Variants in WDR62 observed in about 807,000 individuals in gnomAD.
WDR62 encodes WD repeat-containing protein 62.
WDR62 carries 112 observed loss-of-function variants against 160.6 expected under a neutral mutation model. The ratio of observed to expected loss-of-function variants is 0.70; its 90% CI spans 0.60 to 0.82. WDR62 has a LOEUF of 0.82. WDR62 is among the 40% of genes least tolerant of loss of function. The pLI, the probability that WDR62 is intolerant of heterozygous loss-of-function variation, is 0.00. For missense variants in WDR62, 1,819 were observed against 1,983.8 expected (o/e 0.92, Z 1.58); for synonymous variants, 792 against 815.1 (o/e 0.97, Z 0.48).
rs200249382 is a variant in WDR62 at position 36,101,972 on chromosome 19, A to G, written c.3083-42A>G. On this transcript the variant is annotated intron_variant, in intron 25 of 31. Coordinates refer to ENST00000401500, the MANE Select transcript of WDR62 (RefSeq NM_001083961.2). ...TTTCAGGTGGCGTCTGCTGTGACTC[A>G]TGGTGTTGGCTCCTCTTGTCCCTCC... 3.1e-6 allele frequency: 5 copies of G among 1,613,562 alleles called. 1 individual carries two copies. Among genetic ancestry groups the G allele is most frequent in the South Asian group, 2.2e-5 (2 of 91,080 alleles).
intron 1 of WDR62, among the ~76,000 whole-genome samples, chr19:36,057,494 G>C (rs1970429223): frequency 6.7e-6 from 1 of 149,550 alleles, no homozygotes; most frequent in Admixed American, 6.7e-5. Flanking sequence ...ACCCCTCTTG[G>C]CCTCTGTTTC....
intron 7 of WDR62, among the ~76,000 whole-genome samples, chr19:36,069,102 A>G (rs1168495833): frequency 2.3e-4 from 30 of 132,934 alleles, no homozygotes; most frequent in African/African-American, 6.3e-4. Context: ...TCCCGGACGG[A>G]GCGGCTGGCC....
intron 1 of WDR62, among the ~76,000 whole-genome samples, chr19:36,055,885 C>G (rs1228902999): frequency 1.3e-5 from 2 of 152,184 alleles, no homozygotes; most frequent in Non-Finnish European, 2.9e-5. Flanking sequence ...AACCATACTA[C>G]TGGTAGGGCG....
chr19:36,090,990 G>C (rs995986323), intron 16 of WDR62, among the ~76,000 whole-genome samples: 2 of 152,274 alleles, frequency 1.3e-5, no homozygotes, highest in Non-Finnish European at 2.9e-5. Flanking sequence ...AGTTCAGTTT[G>C]CACATGTTCA....
intron 22 of WDR62, among the ~76,000 whole-genome samples, chr19:36,100,533 G>A (rs745612612): frequency 3.9e-5 from 6 of 152,208 alleles, no homozygotes; most frequent in Non-Finnish European, 8.8e-5. Context: ...CACGTAGAGG[G>A]TTGGGCCTCC....
At chr19:36,068,337 G>C (rs1260638562) in intron 7 of WDR62, among the ~76,000 whole-genome samples, 1 of 152,148 alleles carries the variant, frequency 6.6e-6, no homozygotes, top group Non-Finnish European at 1.5e-5. Flanking sequence ...ACTCTGGCTG[G>C]TAGAGGATTG....
chr19:36,088,576 C>T (rs1378147149), intron 13 of WDR62, among the ~76,000 whole-genome samples: 1 of 152,224 alleles, frequency 6.6e-6, no homozygotes. Flanking sequence ...CCTCTGTGTT[C>T]ATGCTTGTCC....
At chr19:36,082,280 G>A (rs1971943679) in intron 10 of WDR62, among the ~76,000 whole-genome samples, 1 of 152,226 alleles carries the variant, frequency 6.6e-6, no homozygotes, top group Admixed American at 6.5e-5. Flanking sequence ...GTGCTAGTAG[G>A]ACATAGAGCA....
At chr19:36,105,219 G>A, downstream of WDR62, 1 of 713,900 alleles carries the variant, frequency 1.4e-6, no homozygotes, top group Non-Finnish European at 2.3e-6. Context: ...TGGAGAGCAT[G>A]GGACCAGCGC....
At chr19:36,092,037 G>A (rs1344171023) in intron 18 of WDR62, among the ~76,000 whole-genome samples, 3 of 151,268 alleles carry the variant, frequency 2.0e-5, no homozygotes, top group Admixed American at 6.6e-5. Context: ...GAGGCCGGGC[G>A]CAGTGGCTCA....
intron 11 of WDR62, among the ~76,000 whole-genome samples, 192 bp from the exon 12 acceptor site, chr19:36,084,461 T>C (rs1404548308): frequency 6.6e-6 from 1 of 152,100 alleles, no homozygotes; most frequent in Non-Finnish European, 1.5e-5. Flanking sequence ...GCTGAGGTGC[T>C]CCCTGGTTCA....
intron 7 of WDR62, 76 bp from the exon 8 acceptor site, chr19:36,071,480 G>A (rs1971294731): frequency 6.3e-7 from 1 of 1,575,340 alleles, no homozygotes; most frequent in South Asian, 1.1e-5. Context: ...GCCTAAGGCT[G>A]CTCTGTCAGT....
intron 7 of WDR62, among the ~76,000 whole-genome samples, chr19:36,070,058 G>T (rs1309519071): frequency 1.3e-5 from 2 of 151,660 alleles, no homozygotes; most frequent in South Asian, 4.2e-4. Flanking sequence ...GGGAGAGGAG[G>T]ATTGCATTTT....
At chr19:36,060,118 G>A (rs1003170287) in intron 3 of WDR62, 88 bp downstream of exon 3, 3 of 1,338,636 alleles carry the variant, frequency 2.2e-6, no homozygotes, top group Non-Finnish European at 3.2e-6. Flanking sequence ...ATACTCATGG[G>A]TAGGTGCTCA....
chr19:36,101,425 G>A (rs966825423), intron 24 of WDR62, 108 bp downstream of exon 24: 25 of 1,071,348 alleles, frequency 2.3e-5, no homozygotes, highest in African/African-American at 3.1e-5. Context: ...AGAGTCTGTC[G>A]AGGAAGACAC....
At chr19:36,093,292 G>A (rs1487039715) in intron 19 of WDR62, among the ~76,000 whole-genome samples, 1 of 152,234 alleles carries the variant, frequency 6.6e-6, no homozygotes, top group Admixed American at 6.5e-5. Context: ...GAGGGCTGCA[G>A]TGGGGCCACG....
In WDR62 at chr19:36,102,779, C is replaced by T; in HGVS notation, c.3263C>T (p.Ala1088Val). 6.2e-7 allele frequency: 1 copy of T among 1,614,242 alleles called. No individual in the cohort carries two copies. Among genetic ancestry groups the T allele is most frequent in the Non-Finnish European group, 8.5e-7 (1 of 1,180,048 alleles). ...AALGDVEASE[A>V]EDHFFNPRLS... ...CTGGGAGACGTGGAGGCCTCTGAAG[C>T]TGAAGACCACTTCTTCAACCCACGC... The change falls in exon 27 of 32, where the codon GCT becomes GTT. Residue 1088 changes from alanine (A) to valine (V), a missense_variant. Physicochemically the swap from Ala to Val is moderately conservative, Grantham distance 64 (BLOSUM62 0). Transcript: ENST00000401500.
chr19:36,084,027 G>C lies in WDR62; in HGVS notation c.1551-626G>C, dbSNP rs75548639. 5.9e-5 allele frequency among the ~76,000 whole-genome samples: 9 copies of C among 152,172 alleles called. No homozygotes were observed. In the East Asian group the frequency reaches 1.5e-3, roughly 26 times the overall value. On this transcript the variant is annotated intron_variant, in intron 11 of 31. Coordinates refer to ENST00000401500, the MANE Select transcript of WDR62 (RefSeq NM_001083961.2). ...ATGGCACTGTCTGGAGTGGCAAAACGGTACCAAGAGCCAACATGGGGATAG... is the reference window on the plus strand; with the variant it reads ...ATGGCACTGTCTGGAGTGGCAAAACCGTACCAAGAGCCAACATGGGGATAG...
At chr19:36,082,973 C>T in intron 10 of WDR62, 90 bp from the exon 11 acceptor site, 3 of 1,163,308 alleles carry the variant, frequency 2.6e-6, no homozygotes, top group Non-Finnish European at 3.8e-6. Flanking sequence ...AGTTGTATTA[C>T]TAACGAAGAA....
Sources: gnomAD v4.1 joint callset for allele counts (sites outside exome capture counted in the v4.1 genomes callset) on GRCh38, gnomAD v4.1.1 for gene constraint, MANE v1.5 for transcripts, NCBI Gene and HGNC (gene_info 2026-07-23, HGNC 2026-07-21) for gene names.